Variants in SERINC1 observed in about 807,000 individuals in gnomAD.
The protein encoded by SERINC1 is serine incorporator 1, also known as tumor differentially expressed protein 2.
A neutral mutation model predicts 52.9 loss-of-function variants in SERINC1; 38 were observed. The ratio of observed to expected loss-of-function variants is 0.72; its 90% CI spans 0.55 to 0.94. SERINC1 has a LOEUF of 0.94. SERINC1 is among the 40% of genes least tolerant of loss of function. SERINC1 has a pLI of 0.00. For missense variants in SERINC1, 471 were observed against 533.9 expected, an observed-to-expected ratio of 0.88 and a Z score of 1.16; for synonymous variants, 198 against 183.1, an observed-to-expected ratio of 1.08 and a Z score of -0.66.
At chr6:122,460,927 T>C (rs1180650160) in intron 1 of SERINC1, among the ~76,000 whole-genome samples, 1 of 152,020 alleles carries the variant, frequency 6.6e-6, no homozygotes, top group African/African-American at 2.4e-5. Flanking sequence ...CTCCAGATGA[T>C]AAAATAAGCC....
At chr6:122,461,936 G>A (rs1264523724) in intron 1 of SERINC1, among the ~76,000 whole-genome samples, 4 of 151,982 alleles carry the variant, frequency 2.6e-5, no homozygotes, top group Non-Finnish European at 4.4e-5. Context: ...ATAATAGACC[G>A]ATATCCCTCA....
At chr6:122,458,136 G>A (rs1775034113) in intron 2 of SERINC1, among the ~76,000 whole-genome samples, 1 of 151,940 alleles carries the variant, frequency 6.6e-6, no homozygotes, top group Non-Finnish European at 1.5e-5. Context: ...TTTATTAATT[G>A]TAAGATTAAT....
chr6:122,451,012 G>A (rs1774893457), intron 7 of SERINC1, among the ~76,000 whole-genome samples: 1 of 152,174 alleles, frequency 6.6e-6, no homozygotes, highest in Admixed American at 6.5e-5. Flanking sequence ...GCAGGTTTAA[G>A]AGGATTGACT....
In SERINC1 at chr6:122,444,281, T is replaced by C. The variant is rs1774719931; in HGVS notation, c.*763A>G. On this transcript the variant is annotated 3_prime_UTR_variant, in exon 10 of 10. Transcript: ENST00000339697. ...GGATTACAAGGGTGAGCTACCGTGC[T>C]GGCCCAAAACTAACTTTCAAAGTGA... 6.6e-6 allele frequency: 1 copy of C among 152,294 alleles called. No homozygotes were observed. The highest frequency in any genetic ancestry group is 2.1e-4 in the South Asian group (1 of 4,834). 9.4% of individuals were successfully genotyped at this position (152,294 alleles called of 1,614,324 possible).
At position 122,453,866 on chromosome 6, in the gene SERINC1, G is replaced by A. The variant is rs1246112373; in HGVS notation, c.493C>T (p.Leu165Phe). The change falls in exon 5 of 10, where the codon CTC becomes TTC. Residue 165 changes from leucine (L) to phenylalanine (F), a missense_variant. By Grantham distance (22) the Leu-to-Phe change is conservative (BLOSUM62 0). Coordinates refer to ENST00000339697, the MANE Select transcript of SERINC1 (RefSeq NM_020755.4). ...VGMAGAFCFI[L>F]IQLVLLIDFA... ...TCAATAAGTAAGACTAGTTGTATGA[G>A]GATGAAACAAAAGGCACCTGCCATG... is the stretch of plus-strand genomic sequence containing the variant. 1 of 1,604,798 alleles carries A rather than the reference G, an allele frequency of 6.2e-7. No individual in the cohort carries two copies.
Position 122,453,848 on chromosome 6 carries a change from G to A in SERINC1, c.511C>T (p.Leu171Phe). Residue 171 changes from leucine to phenylalanine, a missense_variant, in exon 5 of 10, where the codon CTT becomes TTT. Leu to Phe is a conservative substitution (Grantham distance 22). Coordinates refer to ENST00000339697, the MANE Select transcript of SERINC1 (RefSeq NM_020755.4). Reference protein sequence around the residue: ...FCFILIQLVLLIDFAHSWNES... With the variant: ...FCFILIQLVLFIDFAHSWNES... ...TTCCATGAATGTGCAAAATCAATAAGTAAGACTAGTTGTATGAGGATGAAA... is the reference window on the plus strand; with the variant it reads ...TTCCATGAATGTGCAAAATCAATAAATAAGACTAGTTGTATGAGGATGAAA... The A allele has an allele frequency of 6.2e-7, 1 of 1,609,030 alleles. No homozygotes were observed. Among genetic ancestry groups the A allele is most frequent in the Non-Finnish European group, 8.5e-7 (1 of 1,176,612 alleles).
chr6:122,455,737 T>A (rs145264697), intron 3 of SERINC1, among the ~76,000 whole-genome samples: 6 of 152,288 alleles, frequency 3.9e-5, no homozygotes, highest in African/African-American at 1.4e-4. Context: ...TAATTCATTA[T>A]GGAAAAATGA....
rs1775075043 is a variant in SERINC1 at position 122,460,075 on chromosome 6, A to G, written c.40-1394T>C. On this transcript the variant is annotated intron_variant, in intron 1 of 9. Coordinates refer to ENST00000339697, the MANE Select transcript of SERINC1 (RefSeq NM_020755.4). Reference sequence around the variant, plus strand: ...ATGACTGGCCCTTATTTTATTGATTAATTGATTGATTTACACAGTCTCCTT... The same window carrying G: ...ATGACTGGCCCTTATTTTATTGATTGATTGATTGATTTACACAGTCTCCTT... 2.6e-5 allele frequency among the ~76,000 whole-genome samples: 4 copies of G among 151,990 alleles called. No individual in the cohort carries two copies. In the South Asian group the frequency reaches 8.3e-4, roughly 31 times the overall value.
intron 9 of SERINC1, among the ~76,000 whole-genome samples, chr6:122,445,729 C>A (rs1302697975): frequency 1.3e-5 from 2 of 151,254 alleles, no homozygotes; most frequent in South Asian, 4.2e-4. Flanking sequence ...GCCTTAATAT[C>A]TACTATTATG....
At chr6:122,470,183 C>T (rs1274939374) in intron 1 of SERINC1, among the ~76,000 whole-genome samples, 2 of 152,152 alleles carry the variant, frequency 1.3e-5, no homozygotes, top group African/African-American at 4.8e-5. Context: ...CACTTCAGCC[C>T]GGCCAATACA....
chr6:122,466,462 T>TA lies in SERINC1; in HGVS notation c.39+5236dup, dbSNP rs1275598059. On this transcript the variant is annotated intron_variant, in intron 1 of 9. Transcript: ENST00000339697. The stretch of plus-strand genomic sequence containing the variant: ...CCTCTACAGAAGCTGAGATCACAGA[T>TA]ACGCTGGGTGTAGCTGGGACCATAA... Among the ~76,000 whole-genome samples, 5 of 152,180 alleles carry TA rather than the reference T, an allele frequency of 3.3e-5. No individual in the cohort carries two copies. In the East Asian group the frequency reaches 9.7e-4, roughly 30 times the overall value.
chr6:122,451,576 T>G (rs1441154044), intron 7 of SERINC1, 88 bp downstream of exon 7: 6 of 497,296 alleles, frequency 1.2e-5, no homozygotes, highest in Non-Finnish European at 2.2e-5. Context: ...AGCCTAATTT[T>G]TAAGTAATTT....
chr6:122,448,503 C>A (rs1180422701), intron 7 of SERINC1, among the ~76,000 whole-genome samples: 1 of 149,010 alleles, frequency 6.7e-6, no homozygotes, highest in Admixed American at 6.7e-5. Context: ...TCTAATTTGT[C>A]TCCTTTCAAC....
Position 122,453,190 on chromosome 6 carries a change from GT to G in SERINC1, c.589+579del, listed in dbSNP as rs547300945. Among the ~76,000 whole-genome samples the G allele has an allele frequency of 1.3e-3, 204 of 152,168 alleles. 1 individual carries two copies. Among genetic ancestry groups the G allele is most frequent in the Middle Eastern group, 3.4e-3 (1 of 294 alleles). ...CCTGTTCCCTCATTTTTGTTACCTG[GT>G]TTGGCCCTGTAAGCATTTGAATTGG... is the stretch of plus-strand genomic sequence containing the variant. On this transcript the variant is annotated intron_variant, in intron 5 of 9. Coordinates refer to ENST00000339697, the MANE Select transcript of SERINC1 (RefSeq NM_020755.4).
intron 7 of SERINC1, 76 bp from the exon 8 acceptor site, chr6:122,447,341 A>G: frequency 8.8e-7 from 1 of 1,134,370 alleles, no homozygotes. Context: ...AGTTATTTTT[A>G]ACTCTCTATA....
Position 122,446,877 on chromosome 6 carries a change from C to T in SERINC1, c.1123G>A (p.Val375Ile). Residue 375 changes from valine (V) to isoleucine (I), a missense_variant, in exon 9 of 10, where the codon GTA becomes ATA. Val to Ile is a conservative substitution (Grantham distance 29). Transcript: ENST00000339697. ...GTGACACCATCCCTTTCATTATCTA[C>T]AGCTCGGTGAACATCGTCCCCATCC... ...LEDGDDVHRA[V>I]DNERDGVTYS... 6.2e-7 allele frequency: 1 copy of T among 1,613,764 alleles called. No homozygotes were observed. Among genetic ancestry groups the T allele is most frequent in the Non-Finnish European group, 8.5e-7 (1 of 1,179,666 alleles).
chr6:122,452,178 A>T, intron 5 of SERINC1, 121 bp from the exon 6 acceptor site: 1 of 562,868 alleles, frequency 1.8e-6, no homozygotes, highest in Middle Eastern at 5.2e-4. Flanking sequence ...AGCAACTAAC[A>T]TTGTCAGCAT....
Position 122,451,676 on chromosome 6 carries a change from T to C in SERINC1, c.838A>G (p.Thr280Ala). The change falls in exon 7 of 10, where the codon ACC (threonine) becomes GCC (alanine). Residue 280 changes from threonine to alanine, a missense_variant. Thr to Ala is a moderately conservative substitution (Grantham distance 58, BLOSUM62 0). Coordinates refer to ENST00000339697, the MANE Select transcript of SERINC1 (RefSeq NM_020755.4). ...AAATAAAACACACCTGGTTCATTGG[T>C]CATAGCTGACCATGTCAAATACATT... ...YTMYLTWSAM[T>A]NEPETNCNPS... 1 of 1,226,716 alleles carries C rather than the reference T, an allele frequency of 8.2e-7. No individual in the cohort carries two copies. The highest frequency in any genetic ancestry group is 1.1e-6 in the Non-Finnish European group (1 of 884,788). 76.0% of individuals were successfully genotyped at this position (1,226,716 alleles called of 1,614,324 possible). A position where few individuals can be genotyped will look rare whatever the true frequency, so the allele number is the denominator to read the frequency against.
At chr6:122,446,630 T>A in intron 9 of SERINC1, 144 bp downstream of exon 9, 1 of 611,188 alleles carries the variant, frequency 1.6e-6, no homozygotes, top group South Asian at 2.1e-5. Flanking sequence ...GCATTTCTCA[T>A]GCTGATCTCA....
Sources: allele counts gnomAD v4.1 joint callset (sites outside exome capture counted in the v4.1 genomes callset), GRCh38; gene constraint gnomAD v4.1.1; transcripts MANE v1.5; gene names NCBI Gene and HGNC (gene_info 2026-07-23, HGNC 2026-07-21).